Variants in RGS6 observed in about 807,000 individuals in gnomAD.
The protein encoded by RGS6 is regulator of G protein signaling 6.
Under a neutral mutation model 78.5 loss-of-function variants are expected in RGS6, and 30 were observed. That is an observed-to-expected ratio of 0.38 (90% CI 0.29 to 0.52). The LOEUF (loss-of-function observed/expected upper bound fraction) is 0.52, where lower values mean the gene tolerates loss of function less well. Among genes scored for constraint, RGS6 ranks in the 20% least tolerant of loss-of-function variants. The probability of loss-of-function intolerance (pLI) is 0.85; values close to 1 mark genes in which losing one functional copy is unlikely to be tolerated. For missense variants in RGS6, 495 were observed against 609.7 expected (o/e 0.81, Z 1.98); for synonymous variants, 206 against 206.0 (o/e 1.00, Z 0.00).
intron 2 of RGS6, among the ~76,000 whole-genome samples, chr14:72,097,765 C>T: frequency 6.6e-6 from 1 of 152,176 alleles, no homozygotes. Flanking sequence ...TCTTGCTGGA[C>T]AGGGTGGCGT....
At chr14:72,149,703 A>G (rs1032137932) in intron 2 of RGS6, among the ~76,000 whole-genome samples, 1 of 152,218 alleles carries the variant, frequency 6.6e-6, no homozygotes, top group Non-Finnish European at 1.5e-5. Context: ...CTGGCATGGG[A>G]TAGGAATAAT....
At chr14:72,279,253 G>T (rs1487621310) in intron 2 of RGS6, among the ~76,000 whole-genome samples, 1 of 152,018 alleles carries the variant, frequency 6.6e-6, no homozygotes, top group African/African-American at 2.4e-5. Context: ...CTCTGACCTT[G>T]ATGTATGTAT....
chr14:72,378,352 A>G (rs2085262777), intron 3 of RGS6, among the ~76,000 whole-genome samples: 1 of 152,174 alleles, frequency 6.6e-6, no homozygotes, highest in Non-Finnish European at 1.5e-5. Context: ...AATGATAAAG[A>G]TCAGAGCAGA....
chr14:72,544,723 C>T (rs1219197568), intron 17 of RGS6, among the ~76,000 whole-genome samples: 1 of 152,188 alleles, frequency 6.6e-6, no homozygotes, highest in Admixed American at 6.5e-5. Context: ...GCTCTGGGAG[C>T]CAGCTGCCAC....
At chr14:72,402,993 G>A (rs2092604232) in intron 3 of RGS6, among the ~76,000 whole-genome samples, 1 of 151,896 alleles carries the variant, frequency 6.6e-6, no homozygotes, top group African/African-American at 2.4e-5. Flanking sequence ...GTTTCGCCAT[G>A]TTAGCCAGGC....
rs373460693 is a variant in RGS6, at chr14:72,134,270, C to T, written c.84+169395C>T. ...GAAGAGGTATTCCTATATACACACC[C>T]CACATTCACTGAGGGCTTCTCTGTG... On this transcript the variant is annotated intron_variant, in intron 2 of 17. Coordinates refer to ENST00000553525, the MANE Select transcript of RGS6 (RefSeq NM_001204424.2). 1.6e-4 allele frequency among the ~76,000 whole-genome samples: 24 copies of T among 152,278 alleles called. No individual in the cohort carries two copies. The East Asian group carries it at 4.3e-3, about 27-fold the overall frequency.
At chr14:71,997,034 A>G (rs925421053) in intron 2 of RGS6, among the ~76,000 whole-genome samples, 1 of 152,118 alleles carries the variant, frequency 6.6e-6, no homozygotes, top group East Asian at 1.9e-4. Flanking sequence ...TGGAGAGGAC[A>G]GGGTGGAAGA....
At chr14:72,454,418 T>C in intron 3 of RGS6, 110 bp from the exon 4 acceptor site, 2 of 1,118,532 alleles carry the variant, frequency 1.8e-6, no homozygotes, top group Non-Finnish European at 2.7e-6. Flanking sequence ...ATTATCCTGC[T>C]CTACAGTGTG....
At chr14:72,061,921 G>A (rs1237108624) in intron 2 of RGS6, among the ~76,000 whole-genome samples, 1 of 152,190 alleles carries the variant, frequency 6.6e-6, no homozygotes, top group Non-Finnish European at 1.5e-5. Context: ...TATAAACCAG[G>A]CATAGCTCTC....
intron 13 of RGS6, among the ~76,000 whole-genome samples, chr14:72,501,191 T>C (rs1217175444): frequency 1.3e-5 from 2 of 152,132 alleles, no homozygotes; most frequent in East Asian, 3.9e-4. Context: ...AATGTCTAAA[T>C]TCTGCAAGGT....
chr14:72,045,297 G>T (rs562658128), intron 2 of RGS6, among the ~76,000 whole-genome samples: 1 of 152,076 alleles, frequency 6.6e-6, no homozygotes. Flanking sequence ...TTGCCTTTTA[G>T]CATGCCTTGT....
At chr14:71,954,281 T>C (rs1420175063) in intron 1 of RGS6, among the ~76,000 whole-genome samples, 1 of 151,992 alleles carries the variant, frequency 6.6e-6, no homozygotes, top group African/African-American at 2.4e-5. Context: ...TTTCTTCTCT[T>C]CTTGGAATTC....
chr14:72,242,105 T>C (rs929208035), intron 2 of RGS6, among the ~76,000 whole-genome samples: 1 of 152,214 alleles, frequency 6.6e-6, no homozygotes, highest in Admixed American at 6.5e-5. Context: ...ACAGTAGCCA[T>C]ATTAACAAGA....
At chr14:71,908,392 A>C in the RGS6 span, 1 of 152,230 alleles carries the variant, frequency 6.6e-6, no homozygotes, top group Admixed American at 6.5e-5. Flanking sequence ...GTTTTGAAGC[A>C]GGAGAAATAG....
intron 2 of RGS6, among the ~76,000 whole-genome samples, chr14:72,049,000 A>G (rs915402907): frequency 2.6e-5 from 4 of 152,178 alleles, no homozygotes; most frequent in Non-Finnish European, 5.9e-5. Context: ...TTTGTAAACA[A>G]TTTCCCAGAG....
chr14:71,907,192 C>T, the RGS6 span, among the ~76,000 whole-genome samples: 9 of 152,192 alleles, frequency 5.9e-5, no homozygotes, highest in Non-Finnish European at 1.3e-4. Context: ...TTCTATTAAT[C>T]AGTTAATCAT....
chr14:72,549,882 A>C (rs1425827197), intron 17 of RGS6, among the ~76,000 whole-genome samples: 1 of 152,102 alleles, frequency 6.6e-6, no homozygotes, highest in Non-Finnish European at 1.5e-5. Context: ...AAAACCCCCC[A>C]GAGACCTCGG....
chr14:72,467,129 AT>A lies in RGS6; in HGVS notation c.459+1317del, dbSNP rs558574117. The stretch of plus-strand genomic sequence containing the variant: ...CACTTGAAAACTCATAGATCATTTA[AT>A]TTTTTTTTTAACTTTTGGTTGCAAA... On this transcript the variant is annotated intron_variant, in intron 7 of 17. Transcript: ENST00000553525. Among the ~76,000 whole-genome samples the A allele has an allele frequency of 4.4e-3, 666 of 150,504 alleles. 2 individuals are homozygous for A. Among genetic ancestry groups the A allele is most frequent in the African/African-American group, 8.4e-3 (343 of 41,074 alleles).
the RGS6 span, among the ~76,000 whole-genome samples, chr14:72,590,019 T>C: frequency 6.6e-6 from 1 of 152,152 alleles, no homozygotes; most frequent in Non-Finnish European, 1.5e-5. Flanking sequence ...GATAGGCAAA[T>C]GGCCAGTAAC....
Sources: allele counts gnomAD v4.1 joint callset (sites outside exome capture counted in the v4.1 genomes callset), GRCh38; gene constraint gnomAD v4.1.1; transcripts MANE v1.5; gene names NCBI Gene and HGNC (gene_info 2026-07-23, HGNC 2026-07-21).